SLC24A3: variants seen among roughly 807,000 people sequenced by gnomAD.
The protein encoded by SLC24A3 is sodium/potassium/calcium exchanger 3.
A neutral mutation model predicts 75.8 loss-of-function variants in SLC24A3; 28 were observed. The observed-to-expected ratio is 0.37, with a 90% CI of 0.27 to 0.51. The LOEUF is 0.51. Ranked by LOEUF, SLC24A3 falls within the 20% of genes least tolerant of loss-of-function variation. SLC24A3 has a pLI of 0.94. For missense variants in SLC24A3, 663 were observed against 847.8 expected, an observed-to-expected ratio of 0.78 and a Z score of 2.71; for synonymous variants, 372 against 334.1, an observed-to-expected ratio of 1.11 and a Z score of -1.24.
chr20:19,498,991 G>A (rs1477891751), intron 2 of SLC24A3, among the ~76,000 whole-genome samples: 2 of 152,192 alleles, frequency 1.3e-5, no homozygotes, highest in African/African-American at 4.8e-5. Context: ...ACTTGGAGAG[G>A]CCAGGGAGCC....
chr20:19,630,568 C>A (rs1438825511), intron 6 of SLC24A3, among the ~76,000 whole-genome samples: 1 of 152,178 alleles, frequency 6.6e-6, no homozygotes, highest in Non-Finnish European at 1.5e-5. Context: ...AGAATGGAAT[C>A]CCAGACATAA....
intron 4 of SLC24A3, among the ~76,000 whole-genome samples, chr20:19,583,756 C>G (rs1410703932): frequency 6.6e-6 from 1 of 152,216 alleles, no homozygotes; most frequent in Non-Finnish European, 1.5e-5. Context: ...CTCACAGACT[C>G]TTAGCTCCAT....
intron 2 of SLC24A3, among the ~76,000 whole-genome samples, chr20:19,316,007 A>G (rs369116054): frequency 6.6e-6 from 1 of 152,200 alleles, no homozygotes; most frequent in Non-Finnish European, 1.5e-5. Context: ...TGAACGTCTC[A>G]TAGATCTGTT....
intron 4 of SLC24A3, among the ~76,000 whole-genome samples, chr20:19,583,707 A>G (rs970790840): frequency 7.2e-5 from 11 of 152,192 alleles, no homozygotes; most frequent in African/African-American, 2.2e-4. Context: ...GGTCTCGGCA[A>G]ACCATACAGG....
chr20:19,297,148 G>A (rs897716022), intron 2 of SLC24A3, among the ~76,000 whole-genome samples: 8 of 152,062 alleles, frequency 5.3e-5, no homozygotes, highest in African/African-American at 1.7e-4. Context: ...CAACCCTGTG[G>A]CCATCCATCA....
chr20:19,344,607 G>A (rs1446698680), intron 2 of SLC24A3, among the ~76,000 whole-genome samples: 10 of 152,156 alleles, frequency 6.6e-5, no homozygotes, highest in Admixed American at 1.3e-4. Flanking sequence ...CTTGGGAGGC[G>A]GGGAGGACTG....
chr20:19,334,266 C>A (rs1344294201), intron 2 of SLC24A3, among the ~76,000 whole-genome samples: 1 of 151,974 alleles, frequency 6.6e-6, no homozygotes, highest in Non-Finnish European at 1.5e-5. Context: ...TCAGTGCAGT[C>A]AAATGTTGTC....
chr20:19,570,701 G>A (rs897952339), intron 3 of SLC24A3, among the ~76,000 whole-genome samples: 1 of 152,132 alleles, frequency 6.6e-6, no homozygotes, highest in Admixed American at 6.5e-5. Flanking sequence ...TGAGGTCTGT[G>A]AAACATGAGT....
Position 19,529,201 on chromosome 20 carries a change from A to G in SLC24A3, c.348+13637A>G, listed in dbSNP as rs193063857. 6.6e-5 allele frequency among the ~76,000 whole-genome samples: 10 copies of G among 152,294 alleles called. No homozygotes were observed. In the East Asian group the frequency reaches 1.5e-3, roughly 24 times the overall value. On this transcript the variant is annotated intron_variant, in intron 3 of 16. Coordinates refer to ENST00000328041, the MANE Select transcript of SLC24A3 (RefSeq NM_020689.4). ...TGTATATATGTGTGTGTGTATATGT[A>G]TATACACACACATAAATATGTGTCT...
chr20:19,297,130 C>CCT (rs1422135214), intron 2 of SLC24A3, among the ~76,000 whole-genome samples: 1 of 152,128 alleles, frequency 6.6e-6, no homozygotes, highest in East Asian at 1.9e-4. Flanking sequence ...CATGTTTATC[C>CCT]CTCTCCCCAA....
chr20:19,687,530 G>T (rs550647769), intron 12 of SLC24A3, among the ~76,000 whole-genome samples: 4 of 152,158 alleles, frequency 2.6e-5, no homozygotes, highest in Non-Finnish European at 5.9e-5. Context: ...CCATTAGCTG[G>T]CCATAACCAA....
intron 2 of SLC24A3, among the ~76,000 whole-genome samples, chr20:19,289,119 C>A (rs936153997): frequency 6.6e-6 from 1 of 152,214 alleles, no homozygotes; most frequent in South Asian, 2.1e-4. Context: ...GTGCCTGTGC[C>A]ATATTGCATA....
chr20:19,222,893 G>A (rs150381587), intron 1 of SLC24A3, among the ~76,000 whole-genome samples: 139 of 150,924 alleles, frequency 9.2e-4, no homozygotes, highest in African/African-American at 3.1e-3. Context: ...CTGCCTCCTG[G>A]TAGAACTAAT....
At chr20:19,580,340 G>A (rs1227212612) in intron 4 of SLC24A3, among the ~76,000 whole-genome samples, 2 of 152,044 alleles carry the variant, frequency 1.3e-5, no homozygotes, top group East Asian at 3.9e-4. Flanking sequence ...CTAACTAATG[G>A]TACTATTTGT....
At chr20:19,697,859 A>C (rs965698712) in intron 14 of SLC24A3, among the ~76,000 whole-genome samples, 1 of 152,164 alleles carries the variant, frequency 6.6e-6, no homozygotes, top group Admixed American at 6.5e-5. Context: ...ATTCCTTTCC[A>C]TAAGGGTGTC....
At chr20:19,592,304 G>T (rs1199636041) in intron 6 of SLC24A3, among the ~76,000 whole-genome samples, 1 of 152,094 alleles carries the variant, frequency 6.6e-6, no homozygotes, top group Non-Finnish European at 1.5e-5. Flanking sequence ...CAGGGGTTTT[G>T]TCCTCTTCTT....
chr20:19,535,733 G>A (rs559206449), intron 3 of SLC24A3, among the ~76,000 whole-genome samples: 32 of 152,240 alleles, frequency 2.1e-4, no homozygotes, highest in African/African-American at 7.7e-4. Flanking sequence ...AAGAATCTTG[G>A]ACCTAGATTG....
chr20:19,547,569 G>A (rs936538911), intron 3 of SLC24A3, among the ~76,000 whole-genome samples: 10 of 152,218 alleles, frequency 6.6e-5, no homozygotes, highest in African/African-American at 2.4e-4. Flanking sequence ...AAAATGAAAT[G>A]AAATGAAGCC....
At chr20:19,423,011 T>C (rs896628794) in intron 2 of SLC24A3, among the ~76,000 whole-genome samples, 2 of 152,238 alleles carry the variant, frequency 1.3e-5, no homozygotes, top group Non-Finnish European at 2.9e-5. Flanking sequence ...GCTACTTTAA[T>C]TCCCAAGCTT....
Sources: allele counts gnomAD v4.1 joint callset (sites outside exome capture counted in the v4.1 genomes callset), GRCh38; gene constraint gnomAD v4.1.1; transcripts MANE v1.5; gene names NCBI Gene and HGNC (gene_info 2026-07-23, HGNC 2026-07-21).